FOXP1: variants seen among roughly 807,000 people sequenced by gnomAD.
FOXP1 encodes forkhead box protein P1.
In FOXP1, 15 loss-of-function variants were observed where a neutral mutation model predicts 98.2. The ratio of observed to expected loss-of-function variants is 0.15; its 90% CI spans 0.10 to 0.24. FOXP1 has a LOEUF of 0.24. FOXP1 is among the 10% of genes least tolerant of loss of function. The pLI is 1.00. For synonymous variants in FOXP1, 371 were observed against 314.5 expected (o/e 1.18, Z -1.90); for missense variants, 633 against 848.5 (o/e 0.75, Z 3.15).
rs568671350 is a variant in FOXP1 at position 71,325,956 on chromosome 3, G to A, written c.-72-26076C>T. Among the ~76,000 whole-genome samples, 12 of 152,184 alleles carry A rather than the reference G, an allele frequency of 7.9e-5. No individual in the cohort carries two copies. In the South Asian group the frequency reaches 1.5e-3, roughly 18 times the overall value. ...TATACAGTGGACTTTAACACTTAGT[G>A]ATAAAAATGTAATGATTTACATTCT... On this transcript the variant is annotated intron_variant, in intron 4 of 20. Transcript: ENST00000649528.
rs55789151 is a variant in FOXP1 at position 71,397,051 on chromosome 3, C to T, written c.-167-37807G>A. Among the ~76,000 whole-genome samples the T allele has an allele frequency of 8.2e-3, 300 of 36,796 alleles. 41 individuals carry two copies. The highest frequency in any genetic ancestry group is 0.011 in the Non-Finnish European group (189 of 16,708). 24.1% of individuals were successfully genotyped at this position (36,796 alleles called of 152,430 possible). On this transcript the variant is annotated intron_variant, in intron 3 of 20. Transcript: ENST00000649528. ...ATATATATGTGTATATATATATACA[C>T]ATATATATGTGTATATATATATACA...
chr3:70,974,341 T>C (rs2037037861), intron 17 of FOXP1, among the ~76,000 whole-genome samples: 3 of 152,174 alleles, frequency 2.0e-5, no homozygotes, highest in African/African-American at 2.4e-5. Flanking sequence ...CTCTGTTGCC[T>C]GACTGCAGTG....
chr3:71,217,813 T>G (rs551017946), intron 5 of FOXP1, among the ~76,000 whole-genome samples: 58 of 152,296 alleles, frequency 3.8e-4, no homozygotes, highest in Non-Finnish European at 8.2e-4. Flanking sequence ...GACACTTTCA[T>G]CCACTTCTCC....
chr3:71,495,817 T>A (rs1417545168), intron 2 of FOXP1, among the ~76,000 whole-genome samples: 1 of 152,174 alleles, frequency 6.6e-6, no homozygotes, highest in Non-Finnish European at 1.5e-5. Context: ...CTTGCTCAAG[T>A]GAATTTTGGC....
chr3:71,442,181 C>G (rs1245131148), intron 3 of FOXP1, among the ~76,000 whole-genome samples: 1 of 152,086 alleles, frequency 6.6e-6, no homozygotes, highest in South Asian at 2.1e-4. Context: ...TCCCAGATGC[C>G]CCAGTTGTTC....
chr3:71,245,604 G>A lies in FOXP1; in HGVS notation c.-11-47212C>T, dbSNP rs1038550561. On this transcript the variant is annotated intron_variant, in intron 5 of 20. Transcript: ENST00000649528. ...TTTCTCTGAAGGTTAAAATTACTTG[G>A]TCATTTAGAAGTACCTGCTAAATAA... Among the ~76,000 whole-genome samples the A allele has an allele frequency of 2.3e-5, 3 of 128,784 alleles. No homozygotes were observed. In the East Asian group the frequency reaches 7.2e-4, roughly 31 times the overall value. The allele number at this position is 128,784 out of a possible 152,430, so 84.5% of individuals were successfully genotyped here.
intron 6 of FOXP1, among the ~76,000 whole-genome samples, chr3:71,124,032 G>A (rs1465584550): frequency 6.6e-6 from 1 of 151,806 alleles, no homozygotes; most frequent in Non-Finnish European, 1.5e-5. Context: ...TACTATGCTC[G>A]GTACCTGGGT....
chr3:70,973,025 T>C (rs1290166217), intron 17 of FOXP1, among the ~76,000 whole-genome samples: 1 of 152,192 alleles, frequency 6.6e-6, no homozygotes, highest in Non-Finnish European at 1.5e-5. Flanking sequence ...AACTGCCCTT[T>C]TTAAGCCCAC....
At chr3:71,041,741 G>A (rs1036848738) in intron 10 of FOXP1, among the ~76,000 whole-genome samples, 10 of 151,890 alleles carry the variant, frequency 6.6e-5, no homozygotes, top group Admixed American at 3.3e-4. Flanking sequence ...TGCCCTCATC[G>A]CACATAAAAG....
chr3:71,317,567 G>A (rs2075149460), intron 4 of FOXP1, among the ~76,000 whole-genome samples: 1 of 152,050 alleles, frequency 6.6e-6, no homozygotes, highest in Admixed American at 6.6e-5. Flanking sequence ...GCTTCTAAAA[G>A]TTACTGCCTT....
At chr3:71,519,926 T>C (rs62244881) in intron 2 of FOXP1, among the ~76,000 whole-genome samples, 15,060 of 152,312 alleles carry the variant, frequency 0.099, 911 homozygotes, top group Non-Finnish European at 0.13. Context: ...AAAGGGGCCA[T>C]GTTAAGTGAG....
intron 4 of FOXP1, among the ~76,000 whole-genome samples, chr3:71,335,771 G>A (rs773437979): frequency 3.9e-5 from 6 of 152,046 alleles, no homozygotes; most frequent in South Asian, 2.1e-4. Flanking sequence ...TTGGGAGGCC[G>A]AGGCAGGTGG....
chr3:71,305,088 T>A (rs540083266), intron 4 of FOXP1, among the ~76,000 whole-genome samples: 1 of 152,226 alleles, frequency 6.6e-6, no homozygotes, highest in East Asian at 1.9e-4. Context: ...ATGATCTAAG[T>A]GTACACTACA....
intron 3 of FOXP1, among the ~76,000 whole-genome samples, chr3:71,480,542 A>G (rs2090191815): frequency 1.3e-5 from 2 of 152,226 alleles, no homozygotes; most frequent in Admixed American, 1.3e-4. Context: ...CCCTTAAGTG[A>G]ATTATATCTA....
At chr3:71,378,407 A>G (rs74543707) in intron 3 of FOXP1, among the ~76,000 whole-genome samples, 2 of 152,198 alleles carry the variant, frequency 1.3e-5, no homozygotes, top group Non-Finnish European at 2.9e-5. Flanking sequence ...TGAAAATATT[A>G]AATGGAAAAT....
chr3:71,579,531 T>C (rs963356631), intron 2 of FOXP1, among the ~76,000 whole-genome samples: 3 of 152,136 alleles, frequency 2.0e-5, no homozygotes, highest in South Asian at 2.1e-4. Flanking sequence ...AAAGAGGTTG[T>C]CTAATCTGGA....
At chr3:71,292,240 T>G (rs984242931) in intron 5 of FOXP1, among the ~76,000 whole-genome samples, 1 of 152,116 alleles carries the variant, frequency 6.6e-6, no homozygotes, top group Non-Finnish European at 1.5e-5. Context: ...AGAGTGAGCA[T>G]GTAAGCTACC....
intron 5 of FOXP1, among the ~76,000 whole-genome samples, chr3:71,292,078 C>T (rs1046664651): frequency 7.9e-5 from 12 of 152,100 alleles, no homozygotes; most frequent in South Asian, 2.1e-4. Context: ...CTGGTTCCAA[C>T]GGCCACTTTG....
At chr3:71,222,575 C>G (rs28611101) in intron 5 of FOXP1, among the ~76,000 whole-genome samples, 9,354 of 152,172 alleles carry the variant, frequency 0.061, 545 homozygotes, top group East Asian at 0.29. Flanking sequence ...CCCGCCACCA[C>G]GCCTGGCTAC....
Sources: allele counts gnomAD v4.1 joint callset (sites outside exome capture counted in the v4.1 genomes callset), GRCh38; gene constraint gnomAD v4.1.1; transcripts MANE v1.5; gene names NCBI Gene and HGNC (gene_info 2026-07-23, HGNC 2026-07-21).